The following PCDHA12 variants were observed in gnomAD, a reference collection of about 807,000 sequenced individuals.
PCDHA12 encodes protocadherin alpha 12.
In PCDHA12, 44 loss-of-function variants were observed where a neutral mutation model predicts 60.0. The ratio of observed to expected loss-of-function variants is 0.73; its 90% CI spans 0.58 to 0.94. The LOEUF (loss-of-function observed/expected upper bound fraction) is 0.94. PCDHA12 is among the 40% of genes least tolerant of loss of function. The pLI, the probability that PCDHA12 is intolerant of heterozygous loss-of-function variation, is 0.00. For synonymous variants in PCDHA12, 569 were observed against 553.0 expected, an observed-to-expected ratio of 1.03 and a Z score of -0.40; for missense variants, 1,276 against 1,239.7, an observed-to-expected ratio of 1.03 and a Z score of -0.44.
intron 1 of PCDHA12, chr5:140,966,476 C>G: frequency 2.3e-6 from 1 of 432,972 alleles, no homozygotes; most frequent in Non-Finnish European, 4.0e-6. Flanking sequence ...CTTCTGTTTC[C>G]TTTTCCCTCC....
intron 1 of PCDHA12, among the ~76,000 whole-genome samples, chr5:140,975,197 C>T (rs1176492853): frequency 6.6e-6 from 1 of 152,230 alleles, no homozygotes; most frequent in Non-Finnish European, 1.5e-5. Flanking sequence ...TCTGCTCCAT[C>T]TTCATGGCTG....
chr5:140,953,960 A>G (rs2153700982), intron 1 of PCDHA12, among the ~76,000 whole-genome samples: 1 of 152,088 alleles, frequency 6.6e-6, no homozygotes, highest in South Asian at 2.1e-4. Flanking sequence ...AACAGGCCCC[A>G]GTGTGTGTTG....
intron 1 of PCDHA12, among the ~76,000 whole-genome samples, chr5:140,944,781 G>T (rs1404959208): frequency 6.6e-6 from 1 of 152,114 alleles, no homozygotes; most frequent in Non-Finnish European, 1.5e-5. Context: ...TCCTGTTATT[G>T]TATTTTACAA....
At chr5:141,007,688 C>A (rs1554261446) in intron 3 of PCDHA12, among the ~76,000 whole-genome samples, 1 of 152,170 alleles carries the variant, frequency 6.6e-6, no homozygotes, top group Admixed American at 6.5e-5. Flanking sequence ...ATCCTACTTC[C>A]ACCTCCCTCC....
chr5:140,968,871 C>A lies in PCDHA12; in HGVS notation c.2368-10078C>A, dbSNP rs782670653. 11 of 1,614,218 alleles carry A rather than the reference C, an allele frequency of 6.8e-6. No individual in the cohort carries two copies. In the South Asian group the frequency reaches 1.2e-4, roughly 18 times the overall value. On this transcript the variant is annotated intron_variant, in intron 1 of 3. Coordinates refer to ENST00000398631, the MANE Select transcript of PCDHA12 (RefSeq NM_018903.4). ...CATGTTAAGAGCCCTCGGACATACT[C>A]TGAAATTACCCTTTATCTAATAATA...
At chr5:141,008,015 T>C (rs2098356412) in intron 3 of PCDHA12, among the ~76,000 whole-genome samples, 1 of 152,088 alleles carries the variant, frequency 6.6e-6, no homozygotes. Flanking sequence ...TTCTGTTTCC[T>C]TTTTTTTCTT....
At chr5:140,884,410 G>GT in intron 1 of PCDHA12, 1 of 1,614,008 alleles carries the variant, frequency 6.2e-7, no homozygotes, top group Non-Finnish European at 8.5e-7. Context: ...TGGTGCTCAC[G>GT]TTGCTGCTGT....
At position 140,924,761 on chromosome 5, in the gene PCDHA12, G is replaced by T. The variant is rs979984304; in HGVS notation, c.2367+46922G>T. On this transcript the variant is annotated intron_variant, in intron 1 of 3. Coordinates refer to ENST00000398631, the MANE Select transcript of PCDHA12 (RefSeq NM_018903.4). Reference sequence around the variant, plus strand: ...AATACAAAAATTAACCGAGCATGGTGGTGCGCGCTTGTAGTCCTAGCTACT... The same window carrying T: ...AATACAAAAATTAACCGAGCATGGTTGTGCGCGCTTGTAGTCCTAGCTACT... Among the ~76,000 whole-genome samples the T allele has an allele frequency of 5.3e-5, 8 of 151,864 alleles. No individual in the cohort carries two copies. The East Asian group carries it at 1.5e-3, about 29-fold the overall frequency.
Position 140,887,790 on chromosome 5 carries a change from T to C in PCDHA12, c.2367+9951T>C, listed in dbSNP as rs564215639. On this transcript the variant is annotated intron_variant, in intron 1 of 3. Coordinates refer to ENST00000398631, the MANE Select transcript of PCDHA12 (RefSeq NM_018903.4). ...ACAATGACACAGGTCATTGAAGCGT[T>C]CTTTATTTTTGTCCATTTCTTTCTC... Among the ~76,000 whole-genome samples, 4 of 152,288 alleles carry C rather than the reference T, an allele frequency of 2.6e-5. No individual in the cohort carries two copies. The East Asian group carries it at 7.7e-4, about 29-fold the overall frequency.
chr5:140,877,121 C>T lies in PCDHA12; in HGVS notation c.1649C>T (p.Thr550Met), dbSNP rs782727100. 6.2e-7 allele frequency: 1 copy of T among 1,613,694 alleles called. No individual in the cohort carries two copies. Among genetic ancestry groups the T allele is most frequent in the Non-Finnish European group, 8.5e-7 (1 of 1,179,854 alleles). The change falls in exon 1 of 4, where the codon ACG becomes ATG. Residue 550 changes from threonine (T) to methionine (M), a missense_variant. Transcript: ENST00000398631. ...AGVPPLGSNV[T>M]LQVFVLDEND... is the part of the protein sequence containing the mutation. Reference sequence around the variant, plus strand: ...GTGCCGCCTCTGGGCAGCAACGTGACGCTGCAGGTGTTCGTGCTGGACGAG... The same window carrying T: ...GTGCCGCCTCTGGGCAGCAACGTGATGCTGCAGGTGTTCGTGCTGGACGAG...
At chr5:140,900,538 A>G (rs1341812228) in intron 1 of PCDHA12, among the ~76,000 whole-genome samples, 1 of 152,162 alleles carries the variant, frequency 6.6e-6, no homozygotes, top group Non-Finnish European at 1.5e-5. Context: ...CGGCTTTCCA[A>G]AGTGCTGGGA....
chr5:140,883,447 C>A, intron 1 of PCDHA12: 1 of 1,614,168 alleles, frequency 6.2e-7, no homozygotes. Context: ...CGCCGCATGT[C>A]CCCTTCAAGC....
chr5:140,885,861 A>G (rs1329895164), intron 1 of PCDHA12, among the ~76,000 whole-genome samples: 1 of 152,104 alleles, frequency 6.6e-6, no homozygotes, highest in African/African-American at 2.4e-5. Context: ...CTACTTTTCT[A>G]TTGAAAAAAA....
chr5:140,930,012 A>G (rs1369011586), intron 1 of PCDHA12: 1 of 152,208 alleles, frequency 6.6e-6, no homozygotes, highest in Non-Finnish European at 1.5e-5. Context: ...CATAGCTGAT[A>G]GCTCCATAGC....
intron 1 of PCDHA12, among the ~76,000 whole-genome samples, chr5:140,920,101 G>A (rs880001163): frequency 2.0e-5 from 3 of 152,180 alleles, no homozygotes; most frequent in African/African-American, 7.2e-5. Flanking sequence ...TCTAAAGGGA[G>A]TGCAACCTTG....
chr5:140,953,456 C>T (rs1159331179), intron 1 of PCDHA12, among the ~76,000 whole-genome samples: 1 of 152,110 alleles, frequency 6.6e-6, no homozygotes, highest in Admixed American at 6.5e-5. Context: ...GATTATCTGT[C>T]AGAGTTTTAA....
At chr5:140,975,552 G>A (rs1416724640) in intron 1 of PCDHA12, among the ~76,000 whole-genome samples, 1 of 152,200 alleles carries the variant, frequency 6.6e-6, no homozygotes, top group Non-Finnish European at 1.5e-5. Flanking sequence ...CTATTAGGAA[G>A]GAAAAGGAGA....
At chr5:140,913,003 T>C (rs1049022016) in intron 1 of PCDHA12, among the ~76,000 whole-genome samples, 29 of 152,204 alleles carry the variant, frequency 1.9e-4, no homozygotes, top group African/African-American at 7.0e-4. Flanking sequence ...TAGTATTTTG[T>C]TGAGGATTTT....
chr5:140,977,364 A>G (rs967972541), intron 1 of PCDHA12, among the ~76,000 whole-genome samples: 2 of 152,206 alleles, frequency 1.3e-5, no homozygotes, highest in African/African-American at 4.8e-5. Flanking sequence ...GATAAAAAGT[A>G]TTTTAGTCAT....
Sources: gnomAD v4.1 joint callset for allele counts (sites outside exome capture counted in the v4.1 genomes callset) on GRCh38, gnomAD v4.1.1 for gene constraint, MANE v1.5 for transcripts, NCBI Gene and HGNC (gene_info 2026-07-23, HGNC 2026-07-21) for gene names.